The following CD82 variants were observed in gnomAD, a reference collection of about 807,000 sequenced individuals.
CD82 encodes the protein CD82 molecule.
Under a neutral mutation model 37.4 loss-of-function variants are expected in CD82, and 36 were observed. The observed-to-expected ratio is 0.96, with a 90% CI of 0.74 to 1.27. The LOEUF is 1.27. Among genes scored for constraint, CD82 ranks in the 50% most tolerant of loss-of-function variants. The probability of loss-of-function intolerance (pLI) is 0.00; values close to 1 mark genes in which losing one functional copy is unlikely to be tolerated. For missense variants in CD82, 340 were observed against 347.0 expected, an observed-to-expected ratio of 0.98 and a Z score of 0.16; for synonymous variants, 158 against 137.4, an observed-to-expected ratio of 1.15 and a Z score of -1.05.
At chr11:44,605,540 T>A in intron 6 of CD82, 111 bp downstream of exon 6, 1 of 982,930 alleles carries the variant, frequency 1.0e-6, no homozygotes. Context: ...ACAGATCCAG[T>A]AGGTGTCAGG....
At chr11:44,564,648 C>CTTA (rs919789413), upstream of CD82, 3 of 383,706 alleles carry the variant, frequency 7.8e-6, no homozygotes, top group African/African-American at 2.1e-5. Flanking sequence ...GCTTTGAGGG[C>CTTA]TTAGGCCCAC....
At position 44,565,692 on chromosome 11, in the gene CD82, G is replaced by T. The variant is rs1381891279; in HGVS notation, c.-147G>T. 2.0e-5 allele frequency: 3 copies of T among 152,436 alleles called. No homozygotes were observed. In the East Asian group the frequency reaches 5.8e-4, roughly 29 times the overall value. The allele number at this position is 152,436 out of a possible 1,614,324, so 9.4% of individuals were successfully genotyped here. ...TCCGACGCCGACTGAGGCACGAGCG[G>T]GTGACGCTGGGCCTGCAGCGCGGAG... is the stretch of plus-strand genomic sequence containing the variant. On this transcript the variant is annotated 5_prime_UTR_variant, in exon 1 of 10. Transcript: ENST00000227155.
upstream of CD82, chr11:44,564,620 T>C (rs1291365434): frequency 2.5e-6 from 1 of 408,162 alleles, no homozygotes; most frequent in African/African-American, 2.1e-5. Flanking sequence ...GGCCACTTTT[T>C]CTTCAGGGAG....
intron 6 of CD82, among the ~76,000 whole-genome samples, chr11:44,608,721 G>T (rs1178504651): frequency 6.6e-6 from 1 of 152,274 alleles, no homozygotes; most frequent in Non-Finnish European, 1.5e-5. Context: ...GCAAGGCTAT[G>T]TATGGCCTTT....
intron 1 of CD82, among the ~76,000 whole-genome samples, chr11:44,575,434 T>C (rs1852877569): frequency 6.6e-6 from 1 of 151,856 alleles, no homozygotes; most frequent in Non-Finnish European, 1.5e-5. Context: ...AGGTGGTGGG[T>C]GTTGCAGTGG....
intron 1 of CD82, among the ~76,000 whole-genome samples, chr11:44,577,694 C>G (rs1852917748): frequency 1.3e-5 from 2 of 152,094 alleles, no homozygotes; most frequent in African/African-American, 2.4e-5. Context: ...TTGATAGCTT[C>G]TGATACTTTT....
Position 44,619,224 on chromosome 11 carries a change from C to A in CD82, c.*98C>A. 4.2e-6 allele frequency: 4 copies of A among 963,400 alleles called. No homozygotes were observed. The highest frequency in any genetic ancestry group is 6.7e-6 in the Non-Finnish European group (4 of 593,418). 59.7% of individuals were successfully genotyped at this position (963,400 alleles called of 1,614,324 possible). A position where few individuals can be genotyped will look rare whatever the true frequency, so the allele number is the denominator to read the frequency against. ...TCCAGGCCTGCCTCCCACTTCACTGCGAAGACCCTCTTGCCCATCCTGACT... is the reference window on the plus strand; with the variant it reads ...TCCAGGCCTGCCTCCCACTTCACTGAGAAGACCCTCTTGCCCATCCTGACT... On this transcript the variant is annotated 3_prime_UTR_variant, in exon 10 of 10. Coordinates refer to ENST00000227155, the MANE Select transcript of CD82 (RefSeq NM_002231.4).
intron 1 of CD82, chr11:44,585,158 C>T (rs1262034102): frequency 2.2e-6 from 1 of 455,846 alleles, no homozygotes; most frequent in Non-Finnish European, 4.4e-6. Flanking sequence ...TACCCAGGAG[C>T]AGCAGTGGTC....
In CD82 at chr11:44,618,720, C is replaced by T. The variant is rs150062713; in HGVS notation, c.723C>T (p.Ile241=). 151 of 1,612,376 alleles carry T rather than the reference C, an allele frequency of 9.4e-5. 1 individual carries two copies. The highest frequency in any genetic ancestry group is 6.9e-4 in the East Asian group (31 of 44,836). Residue 241 remains isoleucine (I), a synonymous_variant, in exon 9 of 10, where the codon ATC becomes ATT. Transcript: ENST00000227155. ...ILGVGVGVAI[I]ELLGMVLSIC... is the part of the protein sequence containing the mutation. ...GCGTGGGCGTGGGTGTGGCCATCAT[C>T]GAGGTCTGAGCCCCCTCCCCCATCC...
chr11:44,592,787 T>C (rs1037830900), intron 2 of CD82, among the ~76,000 whole-genome samples: 1 of 152,198 alleles, frequency 6.6e-6, no homozygotes, highest in African/African-American at 2.4e-5. Flanking sequence ...CTGCCATCTC[T>C]GCAATTCTCA....
intron 1 of CD82, among the ~76,000 whole-genome samples, chr11:44,584,412 G>C (rs1425398772): frequency 6.6e-6 from 1 of 152,110 alleles, no homozygotes; most frequent in Non-Finnish European, 1.5e-5. Flanking sequence ...TTAGCCTCCT[G>C]GGTAGCTGAG....
rs557639984 is a variant in CD82 at position 44,592,070 on chromosome 11, C to T, written c.-20-2573C>T. Among the ~76,000 whole-genome samples the T allele has an allele frequency of 3.3e-5, 5 of 152,266 alleles. No homozygotes were observed. In the South Asian group the frequency reaches 8.3e-4, roughly 25 times the overall value. On this transcript the variant is annotated intron_variant, in intron 2 of 9. Coordinates refer to ENST00000227155, the MANE Select transcript of CD82 (RefSeq NM_002231.4). ...CTGACCTCAGGTCTTCTGCCAGTCT[C>T]GGCCTCCCAAAGTGCTGGGATTACA...
intron 1 of CD82, among the ~76,000 whole-genome samples, chr11:44,577,031 G>T (rs889523038): frequency 3.3e-5 from 5 of 152,038 alleles, no homozygotes; most frequent in African/African-American, 1.2e-4. Context: ...TGGGCTGGTG[G>T]GTCCTGGGTA....
At position 44,618,693 on chromosome 11, in the gene CD82, C is replaced by CGGCGTG. The variant is rs1565097242; in HGVS notation, c.705_710dup (p.Gly237_Val238dup). The stretch of plus-strand genomic sequence containing the variant: ...TGCAGGAGAACCTGGGCATCATCCT[C>CGGCGTG]GGCGTGGGCGTGGGTGTGGCCATCA... On this transcript the variant is annotated inframe_insertion, in exon 9 of 10. Transcript: ENST00000227155. 1.9e-6 allele frequency: 3 copies of CGGCGTG among 1,613,396 alleles called. No homozygotes were observed. Among genetic ancestry groups the CGGCGTG allele is most frequent in the East Asian group, 2.2e-5 (1 of 44,822 alleles).
upstream of CD82, chr11:44,565,581 C>T (rs972227926): frequency 1.3e-5 from 2 of 150,170 alleles, no homozygotes; most frequent in African/African-American, 4.9e-5. Context: ...GGCGTGTCTT[C>T]TGGGGGCGGG....
chr11:44,587,800 C>T (rs980908100), intron 2 of CD82: 9 of 352,450 alleles, frequency 2.6e-5, no homozygotes, highest in African/African-American at 1.9e-4. Context: ...CCTGACACAC[C>T]CCCAACCTGC....
Position 44,618,375 on chromosome 11 carries a change from G to A in CD82, c.642+10G>A, listed in dbSNP as rs756348931. The A allele has an allele frequency of 1.9e-6, 3 of 1,610,288 alleles. No individual in the cohort carries two copies. The highest frequency in any genetic ancestry group is 2.7e-5 in the African/African-American group (2 of 74,874). On this transcript the variant is annotated intron_variant, in intron 8 of 9. Transcript: ENST00000227155. Reference sequence around the variant, plus strand: ...GCCTGTGTACCAGGAGGTGTGCGGGGGGCTGCGGATCGGGGGCGGGGCTCC... The same window carrying A: ...GCCTGTGTACCAGGAGGTGTGCGGGAGGCTGCGGATCGGGGGCGGGGCTCC...
chr11:44,610,176 C>T (rs1364326033), intron 6 of CD82, among the ~76,000 whole-genome samples: 1 of 152,188 alleles, frequency 6.6e-6, no homozygotes, highest in Non-Finnish European at 1.5e-5. Flanking sequence ...GGGGCGGGCA[C>T]AGGAGCCCGA....
chr11:44,581,581 G>T (rs527643919), intron 1 of CD82, among the ~76,000 whole-genome samples: 1 of 152,268 alleles, frequency 6.6e-6, no homozygotes, highest in African/African-American at 2.4e-5. Flanking sequence ...CTCCAGACTG[G>T]GTGCTCCCTG....
Sources: gnomAD v4.1 joint callset for allele counts (sites outside exome capture counted in the v4.1 genomes callset) on GRCh38, gnomAD v4.1.1 for gene constraint, MANE v1.5 for transcripts, NCBI Gene and HGNC (gene_info 2026-07-23, HGNC 2026-07-21) for gene names.